Variants in DTNA observed in about 807,000 individuals in gnomAD.
The protein encoded by DTNA is dystrobrevin alpha, also known as dystrophin-related protein 3.
DTNA carries 43 observed loss-of-function variants against 100.7 expected under a neutral mutation model. The observed-to-expected ratio is 0.43, with a 90% confidence interval of 0.33 to 0.55. The LOEUF is 0.55. Ranked by LOEUF, DTNA falls within the 20% of genes least tolerant of loss-of-function variation. DTNA has a pLI of 0.04. For synonymous variants in DTNA, 349 were observed against 347.9 expected, an observed-to-expected ratio of 1.00 and a Z score of -0.04; for missense variants, 798 against 953.9, an observed-to-expected ratio of 0.84 and a Z score of 2.15.
At chr18:34,763,182 C>T (rs529273105) in intron 2 of DTNA, among the ~76,000 whole-genome samples, 4 of 152,338 alleles carry the variant, frequency 2.6e-5, no homozygotes, top group Admixed American at 2.6e-4. Context: ...TATTGAGACT[C>T]TCCTGATTGC....
At chr18:34,830,615 GA>G (rs896083075) in intron 11 of DTNA, among the ~76,000 whole-genome samples, 6 of 149,780 alleles carry the variant, frequency 4.0e-5, no homozygotes, top group Admixed American at 4.0e-4. Context: ...TTACTTAAAA[GA>G]AAAAAAAAGC....
At chr18:34,496,673 T>C (rs963186010) in intron 1 of DTNA, among the ~76,000 whole-genome samples, 3 of 152,178 alleles carry the variant, frequency 2.0e-5, no homozygotes, top group African/African-American at 7.2e-5. Flanking sequence ...CAAGTTTTAA[T>C]AAAATAATTA....
intron 1 of DTNA, among the ~76,000 whole-genome samples, chr18:34,713,877 G>C (rs913394564): frequency 3.3e-5 from 5 of 152,016 alleles, no homozygotes; most frequent in African/African-American, 1.2e-4. Flanking sequence ...TATTCTCTTT[G>C]AAGCAATTGT....
chr18:34,818,382 G>A, intron 8 of DTNA, 52 bp downstream of exon 8: 1 of 1,596,996 alleles, frequency 6.3e-7, no homozygotes, highest in Non-Finnish European at 8.5e-7. Flanking sequence ...GTGTTGCCCA[G>A]AGTTAAAGGG....
chr18:34,536,631 A>G (rs145620179), intron 1 of DTNA, among the ~76,000 whole-genome samples: 3 of 152,012 alleles, frequency 2.0e-5, no homozygotes, highest in Non-Finnish European at 4.4e-5. Context: ...GACATCCTCT[A>G]TATTTTCTTA....
At position 34,667,867 on chromosome 18, in the gene DTNA, A is replaced by G. The variant is rs1397769689; in HGVS notation, c.-1-88109A>G. 3.3e-5 allele frequency among the ~76,000 whole-genome samples: 5 copies of G among 152,186 alleles called. No homozygotes were observed. In the East Asian group the frequency reaches 5.8e-4, roughly 18 times the overall value. On this transcript the variant is annotated intron_variant, in intron 1 of 19. Coordinates refer to the DTNA transcript ENST00000283365. ...ATTTTTGCATCGATGTTCATCAGGG[A>G]TATTGGTCTAAAATTCTCTTTTTTT...
At chr18:34,555,473 G>T (rs1452705074) in intron 1 of DTNA, among the ~76,000 whole-genome samples, 2 of 152,060 alleles carry the variant, frequency 1.3e-5, no homozygotes, top group East Asian at 3.9e-4. Context: ...ATGTTAGGGT[G>T]TCAATTTTGG....
At chr18:34,834,090 A>G (rs1179063260) in intron 11 of DTNA, among the ~76,000 whole-genome samples, 1 of 152,204 alleles carries the variant, frequency 6.6e-6, no homozygotes, top group Non-Finnish European at 1.5e-5. Flanking sequence ...AGTCCATAAA[A>G]TATTGTGATA....
intron 1 of DTNA, among the ~76,000 whole-genome samples, chr18:34,516,625 C>A (rs574847508): frequency 6.6e-6 from 1 of 152,228 alleles, no homozygotes; most frequent in East Asian, 1.9e-4. Flanking sequence ...CATTCTCTTT[C>A]TCAGGGCTGT....
intron 1 of DTNA, among the ~76,000 whole-genome samples, chr18:34,678,581 C>A (rs2077673317): frequency 6.6e-6 from 1 of 152,236 alleles, no homozygotes; most frequent in South Asian, 2.1e-4. Context: ...TGCTTCAAGC[C>A]ATCTGGCACC....
chr18:34,583,920 G>C (rs967729062), intron 1 of DTNA, among the ~76,000 whole-genome samples: 1 of 152,150 alleles, frequency 6.6e-6, no homozygotes, highest in African/African-American at 2.4e-5. Context: ...CTTAACTATA[G>C]AGGCTACAAG....
At chr18:34,607,712 C>G (rs1045147819) in intron 1 of DTNA, among the ~76,000 whole-genome samples, 2 of 152,206 alleles carry the variant, frequency 1.3e-5, no homozygotes, top group African/African-American at 4.8e-5. Context: ...GATTTCTTCT[C>G]ATGACCTCTT....
chr18:34,841,143 T>C (rs1300993588), intron 13 of DTNA, among the ~76,000 whole-genome samples: 3 of 152,132 alleles, frequency 2.0e-5, no homozygotes, highest in Non-Finnish European at 4.4e-5. Context: ...AAAGGTATCA[T>C]TTTAGAGAGC....
chr18:34,699,864 A>G (rs2081125639), intron 1 of DTNA, among the ~76,000 whole-genome samples: 1 of 150,428 alleles, frequency 6.6e-6, no homozygotes, highest in African/African-American at 2.5e-5. Context: ...GCAAAACAAA[A>G]CAAAAAAAAA....
chr18:34,701,165 C>G (rs1181156779), intron 1 of DTNA, among the ~76,000 whole-genome samples: 4 of 152,152 alleles, frequency 2.6e-5, no homozygotes, highest in Non-Finnish European at 4.4e-5. Context: ...TACATTTGCT[C>G]TCGTACAAAT....
chr18:34,649,196 T>C (rs2060173962), intron 1 of DTNA, among the ~76,000 whole-genome samples: 1 of 152,240 alleles, frequency 6.6e-6, no homozygotes, highest in Non-Finnish European at 1.5e-5. Context: ...TCTCTGTCTG[T>C]ATTTATCATC....
At chr18:34,702,107 C>T (rs962918354) in intron 1 of DTNA, among the ~76,000 whole-genome samples, 2 of 152,174 alleles carry the variant, frequency 1.3e-5, no homozygotes, top group Admixed American at 1.3e-4. Flanking sequence ...GCACAGTGCT[C>T]CAGCCACACT....
At chr18:34,740,506 G>A (rs1568372090) in intron 1 of DTNA, among the ~76,000 whole-genome samples, 1 of 152,176 alleles carries the variant, frequency 6.6e-6, no homozygotes, top group African/African-American at 2.4e-5. Flanking sequence ...GAGATCTGCA[G>A]AGTGGACACA....
chr18:34,815,038 A>T (rs543797505), intron 6 of DTNA, among the ~76,000 whole-genome samples: 47 of 152,228 alleles, frequency 3.1e-4, no homozygotes, highest in African/African-American at 1.1e-3. Context: ...GTAGGAAGAC[A>T]GCTTGAGACC....
Sources: gnomAD v4.1 joint callset for allele counts (sites outside exome capture counted in the v4.1 genomes callset) on GRCh38, gnomAD v4.1.1 for gene constraint, MANE v1.5 for transcripts, NCBI Gene and HGNC (gene_info 2026-07-23, HGNC 2026-07-21) for gene names.